Variants in CAMKMT observed in about 807,000 individuals in gnomAD.
CAMKMT encodes calmodulin-lysine N-methyltransferase, also known as CaM KMT.
Under a neutral mutation model 48.0 loss-of-function variants are expected in CAMKMT, and 53 were observed. The observed-to-expected ratio is 1.10, with a 90% CI of 0.89 to 1.39. CAMKMT has a LOEUF of 1.39. Ranked by LOEUF, CAMKMT falls within the 40% of genes most tolerant of loss-of-function variation. The probability of loss-of-function intolerance (pLI) is 0.00; values close to 1 mark genes in which losing one functional copy is unlikely to be tolerated. For missense variants in CAMKMT, 428 were observed against 402.7 expected (o/e 1.06, Z -0.54); for synonymous variants, 165 against 152.3 (o/e 1.08, Z -0.61).
At chr2:44,583,647 A>G (rs28691733) in intron 3 of CAMKMT, among the ~76,000 whole-genome samples, 1 of 151,848 alleles carries the variant, frequency 6.6e-6, no homozygotes, top group African/African-American at 2.4e-5. Flanking sequence ...AAATAAAAAA[A>G]TAGCTGGGCA....
intron 8 of CAMKMT, among the ~76,000 whole-genome samples, chr2:44,749,750 C>T (rs976356059): frequency 2.0e-5 from 3 of 152,208 alleles, no homozygotes; most frequent in African/African-American, 7.2e-5. Flanking sequence ...GAACCAAGTT[C>T]CTCCCTTGTC....
chr2:44,501,696 G>T (rs766868683), intron 3 of CAMKMT, among the ~76,000 whole-genome samples: 1 of 152,114 alleles, frequency 6.6e-6, no homozygotes, highest in Non-Finnish European at 1.5e-5. Flanking sequence ...GGTGCAGTTC[G>T]AATGTTTGAA....
intron 7 of CAMKMT, among the ~76,000 whole-genome samples, chr2:44,727,630 A>T (rs923989451): frequency 6.6e-6 from 1 of 152,146 alleles, no homozygotes; most frequent in Non-Finnish European, 1.5e-5. Context: ...TCTGCCTAGA[A>T]CTTCTAGTAC....
At chr2:44,599,817 G>C (rs1244451261) in intron 3 of CAMKMT, among the ~76,000 whole-genome samples, 1 of 107,084 alleles carries the variant, frequency 9.3e-6, no homozygotes, top group Non-Finnish European at 2.0e-5. Flanking sequence ...TTGACACCTT[G>C]GCAAGGTTTA....
At chr2:44,402,934 T>C (rs1682527599) in intron 3 of CAMKMT, among the ~76,000 whole-genome samples, 1 of 151,672 alleles carries the variant, frequency 6.6e-6, no homozygotes, top group African/African-American at 2.4e-5. Flanking sequence ...TTTTTTTTTT[T>C]TTTCTGTCTT....
At chr2:44,497,524 A>G (rs550571684) in intron 3 of CAMKMT, among the ~76,000 whole-genome samples, 7 of 152,274 alleles carry the variant, frequency 4.6e-5, no homozygotes, top group Admixed American at 1.3e-4. Context: ...AAAAACAAAC[A>G]TATTTGTATA....
intron 3 of CAMKMT, among the ~76,000 whole-genome samples, chr2:44,664,018 G>T (rs1417781100): frequency 6.6e-6 from 1 of 152,166 alleles, no homozygotes; most frequent in Non-Finnish European, 1.5e-5. Context: ...AGGGAAGGTT[G>T]CTAAGTCATT....
At chr2:44,500,665 A>G (rs181351893) in intron 3 of CAMKMT, among the ~76,000 whole-genome samples, 11 of 145,826 alleles carry the variant, frequency 7.5e-5, no homozygotes, top group Non-Finnish European at 1.5e-4. Flanking sequence ...CATTTCCAGC[A>G]TTTTGCCCTT....
intron 3 of CAMKMT, among the ~76,000 whole-genome samples, chr2:44,686,879 A>G (rs1676367267): frequency 6.6e-6 from 1 of 152,244 alleles, no homozygotes; most frequent in African/African-American, 2.4e-5. Context: ...ACCTAGCACT[A>G]AAATAAAATA....
chr2:44,510,440 C>G (rs1057236740), intron 3 of CAMKMT, among the ~76,000 whole-genome samples: 2 of 152,214 alleles, frequency 1.3e-5, no homozygotes, highest in African/African-American at 4.8e-5. Context: ...ATGATTCTAA[C>G]ATGACTCAAT....
At chr2:44,602,791 C>T (rs1377623371) in intron 3 of CAMKMT, among the ~76,000 whole-genome samples, 2 of 152,058 alleles carry the variant, frequency 1.3e-5, no homozygotes, top group Admixed American at 6.5e-5. Flanking sequence ...TTCGCATCCA[C>T]GATCCAGTGA....
intron 1 of CAMKMT, among the ~76,000 whole-genome samples, chr2:44,370,991 A>G (rs552204684): frequency 3.3e-5 from 5 of 151,976 alleles, no homozygotes; most frequent in African/African-American, 9.7e-5. Context: ...TTTTTATTTT[A>G]AAATTTTTTT....
At chr2:44,564,726 G>A (rs570985068) in intron 3 of CAMKMT, among the ~76,000 whole-genome samples, 1 of 152,224 alleles carries the variant, frequency 6.6e-6, no homozygotes, top group African/African-American at 2.4e-5. Flanking sequence ...TTTTAATAGA[G>A]ATGGGGTTTT....
At chr2:44,390,989 T>G (rs1333459644) in intron 3 of CAMKMT, among the ~76,000 whole-genome samples, 1 of 152,210 alleles carries the variant, frequency 6.6e-6, no homozygotes, top group Non-Finnish European at 1.5e-5. Context: ...AGCTATGGAC[T>G]TTTTATGTTT....
In CAMKMT at chr2:44,483,819, G is replaced by T. The variant is rs149411119; in HGVS notation, c.376+93514G>T. 3.9e-5 allele frequency among the ~76,000 whole-genome samples: 6 copies of T among 152,088 alleles called. No individual in the cohort carries two copies. In the East Asian group the frequency reaches 1.2e-3, roughly 29 times the overall value. On this transcript the variant is annotated intron_variant, in intron 3 of 10. Transcript: ENST00000378494. ...AAATTCTAGCAAAGTTGTGATTCCC[G>T]TTGATTTTAAAGAGTGATAGGAGTG...
At chr2:44,646,051 T>TA in intron 3 of CAMKMT, among the ~76,000 whole-genome samples, 1 of 152,122 alleles carries the variant, frequency 6.6e-6, no homozygotes. Context: ...TTCTCTACTT[T>TA]AAAAAAATTG....
At chr2:44,628,831 A>G (rs988791332) in intron 3 of CAMKMT, among the ~76,000 whole-genome samples, 1 of 152,154 alleles carries the variant, frequency 6.6e-6, no homozygotes, top group African/African-American at 2.4e-5. Flanking sequence ...TTTTCAAGAC[A>G]TCTTTTTTGT....
intron 2 of CAMKMT, among the ~76,000 whole-genome samples, chr2:44,385,160 C>G (rs572651254): frequency 6.6e-6 from 1 of 151,884 alleles, no homozygotes; most frequent in African/African-American, 2.4e-5. Flanking sequence ...TTTCTTTCAG[C>G]TGTGTTTTGT....
chr2:44,481,849 T>A (rs1668979912), intron 3 of CAMKMT, among the ~76,000 whole-genome samples: 1 of 152,034 alleles, frequency 6.6e-6, no homozygotes. Flanking sequence ...ATCATACATA[T>A]GGGGAAAAAA....
Sources: gnomAD v4.1 joint callset for allele counts (sites outside exome capture counted in the v4.1 genomes callset) on GRCh38, gnomAD v4.1.1 for gene constraint, MANE v1.5 for transcripts, NCBI Gene and HGNC (gene_info 2026-07-23, HGNC 2026-07-21) for gene names.